SV2C: variants seen among roughly 807,000 people sequenced by gnomAD.
SV2C encodes the protein solute carrier family 22 member B3.
SV2C carries 49 observed loss-of-function variants against 79.7 expected under a neutral mutation model. That is an observed-to-expected ratio of 0.61 (90% CI 0.49 to 0.78). The LOEUF is 0.78. Ranked by LOEUF, SV2C falls within the 30% of genes least tolerant of loss-of-function variation. SV2C has a pLI of 0.00. For synonymous variants in SV2C, 334 were observed against 333.2 expected (o/e 1.00, Z -0.03); for missense variants, 833 against 912.9 (o/e 0.91, Z 1.13).
the SV2C span, among the ~76,000 whole-genome samples, chr5:76,021,559 T>C: frequency 2.1e-4 from 32 of 152,174 alleles, no homozygotes; most frequent in Non-Finnish European, 4.1e-4. Context: ...GCCTCACTCA[T>C]AGTAAGGGCC....
intron 2 of SV2C, among the ~76,000 whole-genome samples, chr5:76,133,552 A>T (rs1378161024): frequency 6.6e-6 from 1 of 152,044 alleles, no homozygotes; most frequent in Non-Finnish European, 1.5e-5. Context: ...TATATGACCC[A>T]CTCCTAGTAT....
chr5:76,219,769 G>A (rs535528026), intron 4 of SV2C, among the ~76,000 whole-genome samples: 3 of 152,156 alleles, frequency 2.0e-5, no homozygotes, highest in Admixed American at 1.3e-4. Flanking sequence ...ACATTCTCAC[G>A]CTGACCTTTG....
chr5:76,016,283 C>G, the SV2C span, among the ~76,000 whole-genome samples: 1 of 70,882 alleles, frequency 1.4e-5, no homozygotes, highest in East Asian at 6.3e-4. Context: ...CTGTGCAATT[C>G]TTTCTATAGG....
Position 76,295,912 on chromosome 5 carries a change from T to C in SV2C, c.1472T>C (p.Ile491Thr). ...FTINFTMENQIHTGMEYDNGR... is the reference protein window; with the variant it reads ...FTINFTMENQTHTGMEYDNGR... ...ATTAACTTTACAATGGAAAATCAGATTCATACTGGAATGGAATACGACAAT... is the reference window on the plus strand; with the variant it reads ...ATTAACTTTACAATGGAAAATCAGACTCATACTGGAATGGAATACGACAAT... Residue 491 changes from isoleucine to threonine, a missense_variant, in exon 9 of 13, where the codon ATT becomes ACT. Coordinates refer to ENST00000502798, the MANE Select transcript of SV2C (RefSeq NM_014979.4). 1 of 1,611,400 alleles carries C rather than the reference T, an allele frequency of 6.2e-7. No individual in the cohort carries two copies. The highest frequency in any genetic ancestry group is 8.5e-7 in the Non-Finnish European group (1 of 1,178,960).
chr5:75,982,106 G>A, the SV2C span, among the ~76,000 whole-genome samples: 2 of 149,358 alleles, frequency 1.3e-5, no homozygotes, highest in African/African-American at 2.5e-5. Flanking sequence ...GGGAGGGATA[G>A]CATCGGGAGA....
rs555671069 is a variant in SV2C, at chr5:76,200,200, G to T, written c.761+5101G>T. On this transcript the variant is annotated intron_variant, in intron 3 of 12. Coordinates refer to ENST00000502798, the MANE Select transcript of SV2C (RefSeq NM_014979.4). ...GAGTCAGGCACTGAATCCATCCCGT[G>T]CCTGATTCCACAGTTCTGGACTGCA... Among the ~76,000 whole-genome samples the T allele has an allele frequency of 3.3e-5, 5 of 152,330 alleles. No individual in the cohort carries two copies. In the East Asian group the frequency reaches 9.6e-4, roughly 29 times the overall value.
chr5:75,857,766 C>T, the SV2C span, among the ~76,000 whole-genome samples: 23 of 151,972 alleles, frequency 1.5e-4, no homozygotes, highest in African/African-American at 5.6e-4. Flanking sequence ...TTTTTTGTGT[C>T]CTCTTCAATT....
At chr5:76,044,665 T>G in the SV2C span, among the ~76,000 whole-genome samples, 10 of 152,382 alleles carry the variant, frequency 6.6e-5, no homozygotes, top group South Asian at 2.1e-3. Context: ...TAATCAGTGA[T>G]GTTGAGCTTT....
the SV2C span, among the ~76,000 whole-genome samples, chr5:75,903,993 GA>G: frequency 6.6e-6 from 1 of 152,130 alleles, no homozygotes; most frequent in Admixed American, 6.5e-5. Context: ...ACAGTGTTGT[GA>G]AAGGTGTACT....
chr5:76,163,109 A>C (rs1364347484), intron 2 of SV2C, among the ~76,000 whole-genome samples: 1 of 152,216 alleles, frequency 6.6e-6, no homozygotes, highest in Non-Finnish European at 1.5e-5. Context: ...GACCCTGCCC[A>C]GTCCCGCCTT....
chr5:76,139,499 A>C (rs185254845), intron 2 of SV2C, among the ~76,000 whole-genome samples: 63 of 152,268 alleles, frequency 4.1e-4, no homozygotes, highest in Admixed American at 1.6e-3. Flanking sequence ...GCCAACTGGC[A>C]TTCTGTTTTT....
At chr5:75,951,299 T>A in the SV2C span, among the ~76,000 whole-genome samples, 1 of 152,060 alleles carries the variant, frequency 6.6e-6, no homozygotes, top group African/African-American at 2.4e-5. Context: ...CAAACATGTC[T>A]GCGAATTTTT....
chr5:76,288,936 G>C (rs1747453262), intron 6 of SV2C, among the ~76,000 whole-genome samples: 1 of 151,580 alleles, frequency 6.6e-6, no homozygotes, highest in African/African-American at 2.4e-5. Flanking sequence ...CTGGAGTGCA[G>C]TGGTGTGATC....
intron 2 of SV2C, among the ~76,000 whole-genome samples, chr5:76,162,712 C>T (rs1323988649): frequency 6.6e-6 from 1 of 152,214 alleles, no homozygotes; most frequent in African/African-American, 2.4e-5. Flanking sequence ...TGGAGATTAA[C>T]TGGCTTACAC....
chr5:76,205,271 A>G (rs1248509167), intron 3 of SV2C, among the ~76,000 whole-genome samples: 2 of 152,122 alleles, frequency 1.3e-5, no homozygotes, highest in South Asian at 2.1e-4. Flanking sequence ...TTATATTTGT[A>G]TAATTAAAGT....
the SV2C span, among the ~76,000 whole-genome samples, chr5:76,030,266 G>GTTTTTTTTTTTTT: frequency 4.1e-4 from 13 of 31,976 alleles, no homozygotes; most frequent in Admixed American, 1.1e-3. Context: ...TCAGAGGCTT[G>GTTTTTTTTTTTTT]TTTTTTTTTT....
chr5:75,951,162 A>G, the SV2C span, among the ~76,000 whole-genome samples: 1 of 152,002 alleles, frequency 6.6e-6, no homozygotes, highest in Admixed American at 6.6e-5. Context: ...ATAAAAATTT[A>G]TGTGGTCTTA....
intron 4 of SV2C, among the ~76,000 whole-genome samples, chr5:76,228,033 T>C (rs1414449226): frequency 1.3e-5 from 2 of 152,082 alleles, no homozygotes; most frequent in Non-Finnish European, 2.9e-5. Flanking sequence ...CTCAGGCTTC[T>C]GGGGTTCTTT....
chr5:76,291,226 C>A lies in SV2C; in HGVS notation c.1143C>A (p.Asn381Lys), dbSNP rs1435200955. The A allele has an allele frequency of 6.2e-7, 1 of 1,609,774 alleles. No homozygotes were observed. Among genetic ancestry groups the A allele is most frequent in the African/African-American group, 1.3e-5 (1 of 74,554 alleles). ...RGQPEKVFTVNKIKTPKQIDE... is the reference protein window; with the variant it reads ...RGQPEKVFTVKKIKTPKQIDE... The stretch of plus-strand genomic sequence containing the variant: ...TGGTCTGTTTCTCTCTACAGGTAAA[C>A]AAAATAAAAACTCCTAAACAAATAG... Residue 381 changes from asparagine (N) to lysine (K), a missense_variant, in exon 7 of 13, where the codon AAC becomes AAA. Physicochemically the swap from Asn to Lys is moderately conservative, Grantham distance 94 (BLOSUM62 0). Transcript: ENST00000502798.
Sources: allele counts gnomAD v4.1 joint callset (sites outside exome capture counted in the v4.1 genomes callset), GRCh38; gene constraint gnomAD v4.1.1; transcripts MANE v1.5; gene names NCBI Gene and HGNC (gene_info 2026-07-23, HGNC 2026-07-21).